The following SYMPK variants were observed in gnomAD, a reference collection of about 807,000 sequenced individuals.
SYMPK encodes symplekin.
A neutral mutation model predicts 136.4 loss-of-function variants in SYMPK; 49 were observed. That is an observed-to-expected ratio of 0.36 (90% CI 0.29 to 0.46). SYMPK has a LOEUF of 0.46. SYMPK is among the 20% of genes least tolerant of loss of function. SYMPK has a pLI of 1.00. For synonymous variants in SYMPK, 766 were observed against 713.0 expected (o/e 1.07, Z -1.19); for missense variants, 1,365 against 1,690.0 (o/e 0.81, Z 3.37).
chr19:45,836,700 G>A (rs1022845449), intron 10 of SYMPK, among the ~76,000 whole-genome samples: 1 of 151,848 alleles, frequency 6.6e-6, no homozygotes, highest in African/African-American at 2.4e-5. Flanking sequence ...GTGCAGTGGC[G>A]CCATCAGAGT....
In SYMPK at chr19:45,842,367, G is replaced by A. The variant is rs1259605957; in HGVS notation, c.970C>T (p.Leu324=). The A allele has an allele frequency of 1.2e-6, 2 of 1,614,096 alleles. No homozygotes were observed. Among genetic ancestry groups the A allele is most frequent in the African/African-American group, 1.3e-5 (1 of 74,944 alleles). ...SLEFQAQITT[L]LVDLGTPQAE... ...TGAGGTGTGCCCAGGTCCACCAGCA[G>A]GGTGGTGATCTGGGCCTGGAACTCC... Residue 324 remains leucine (L), a synonymous_variant, in exon 9 of 27, where the codon CTG becomes TTG. Coordinates refer to ENST00000245934, the MANE Select transcript of SYMPK (RefSeq NM_004819.3).
At chr19:45,853,706 C>A (rs778796473) in intron 3 of SYMPK, among the ~76,000 whole-genome samples, 14 of 152,172 alleles carry the variant, frequency 9.2e-5, no homozygotes, top group Non-Finnish European at 1.8e-4. Context: ...TCCTCCCTGA[C>A]TCCCCATCCC....
In SYMPK at chr19:45,842,502, T is replaced by C. The variant is rs2146329863; in HGVS notation, c.848-13A>G. ...GGGGGCAGGTTGGCTGTGAGGAAAG[T>C]GGCAGGAGCTGTGTCTTGTGGAAGA... On this transcript the variant is annotated splice_polypyrimidine_tract_variant and intron_variant, in intron 8 of 26. Coordinates refer to ENST00000245934, the MANE Select transcript of SYMPK (RefSeq NM_004819.3). 1 of 1,605,942 alleles carries C rather than the reference T, an allele frequency of 6.2e-7. No individual in the cohort carries two copies. Among genetic ancestry groups the C allele is most frequent in the Non-Finnish European group, 8.5e-7 (1 of 1,174,972 alleles).
intron 1 of SYMPK, chr19:45,861,988 T>G (rs542291045): frequency 6.7e-6 from 1 of 149,278 alleles, no homozygotes; most frequent in East Asian, 2.0e-4. Context: ...GAGGTTGCAG[T>G]GAACTGGGAT....
intron 1 of SYMPK, among the ~76,000 whole-genome samples, chr19:45,861,068 C>T (rs938395229): frequency 1.3e-5 from 2 of 152,258 alleles, no homozygotes; most frequent in East Asian, 3.9e-4. Flanking sequence ...ACCAGACAAC[C>T]GGCATGGCAT....
Position 45,831,577 on chromosome 19 carries a change from T to A in SYMPK, c.1405A>T (p.Thr469Ser), listed in dbSNP as rs780260878. The A allele has an allele frequency of 1.1e-5, 17 of 1,604,686 alleles. No individual in the cohort carries two copies. Among genetic ancestry groups the A allele is most frequent in the Non-Finnish European group, 1.4e-5 (17 of 1,175,624 alleles). Residue 469 changes from threonine to serine, a missense_variant, in exon 12 of 27, where the codon ACC becomes TCC. Transcript: ENST00000245934. ...AAGLGPGVEQ[T>S]KQCKEEPKEE... ...TTGGGCTCCTCCTTGCACTGTTTGG[T>A]CTGCTCTACACCTGAGGGGGAGGCA...
Position 45,815,657 on chromosome 19 carries a change from C to T in SYMPK, c.3728G>A (p.Ser1243Asn), listed in dbSNP as rs754835710. The change falls in exon 27 of 27, where the codon AGC (serine) becomes AAC (asparagine). Residue 1243 changes from serine to asparagine, a missense_variant. Ser to Asn is a conservative substitution (Grantham distance 46). This residue lies in a region of SYMPK where 341 missense variants were observed against 270.5 expected (regional missense o/e 1.26). Transcript: ENST00000245934. ...AGGLTLKEER[S>N]PQTLAPVGED... ...TCCAACAGGTGCGAGGGTCTGGGGG[C>T]TCCGCTCCTCCTTCAAGGTCAGCCC... The T allele has an allele frequency of 6.8e-6, 11 of 1,610,644 alleles. No individual in the cohort carries two copies. The East Asian group carries it at 2.2e-4, about 33-fold the overall frequency.
At chr19:45,826,854 G>A (rs1036773121) in intron 16 of SYMPK, among the ~76,000 whole-genome samples, 2 of 152,230 alleles carry the variant, frequency 1.3e-5, no homozygotes, top group Admixed American at 6.5e-5. Context: ...GAATGAAAAC[G>A]CTACCCAGCA....
intron 9 of SYMPK, among the ~76,000 whole-genome samples, chr19:45,838,956 G>A (rs980511085): frequency 3.3e-5 from 5 of 152,134 alleles, no homozygotes; most frequent in African/African-American, 1.2e-4. Flanking sequence ...GCATGATTTC[G>A]GCTCATTGTA....
At chr19:45,847,731 G>A (rs1324903224) in intron 7 of SYMPK, 21 bp downstream of exon 7, 1 of 1,595,326 alleles carries the variant, frequency 6.3e-7, no homozygotes, top group South Asian at 1.1e-5. Context: ...GTCAGGGGTG[G>A]CAGCTGAAGG....
In SYMPK at chr19:45,815,546, C is replaced by T. The variant is rs774823610; in HGVS notation, c.*14G>A. 1 of 1,512,466 alleles carries T rather than the reference C, an allele frequency of 6.6e-7. No individual in the cohort carries two copies. The highest frequency in any genetic ancestry group is 2.2e-5 in the Admixed American group (1 of 46,480). The allele number at this position is 1,512,466 out of a possible 1,614,324, so 93.7% of individuals were successfully genotyped here. On this transcript the variant is annotated 3_prime_UTR_variant, in exon 27 of 27. Coordinates refer to ENST00000245934, the MANE Select transcript of SYMPK (RefSeq NM_004819.3). ...CCGAGTCCCTGTCCCACCCCCTTTC[C>T]CCCTCGAGCCCCGTCAGCTGTTCCC... is the stretch of plus-strand genomic sequence containing the variant.
intron 1 of SYMPK, chr19:45,855,768 G>A (rs568735710): frequency 6.6e-6 from 1 of 152,306 alleles, no homozygotes; most frequent in African/African-American, 2.4e-5. Flanking sequence ...GGCTGAGGCA[G>A]GCAGATCGCT....
intron 11 of SYMPK, among the ~76,000 whole-genome samples, chr19:45,832,198 G>A (rs1366841422): frequency 6.6e-6 from 1 of 152,078 alleles, no homozygotes; most frequent in Non-Finnish European, 1.5e-5. Flanking sequence ...CTGGAGTGCA[G>A]TGGCTTGATC....
intron 6 of SYMPK, among the ~76,000 whole-genome samples, chr19:45,848,285 C>T (rs1485851834): frequency 3.3e-5 from 5 of 152,226 alleles, no homozygotes; most frequent in African/African-American, 9.6e-5. Flanking sequence ...ACAGTGCTGA[C>T]TTCACAAGGT....
chr19:45,838,982 G>A (rs1408369804), intron 9 of SYMPK, among the ~76,000 whole-genome samples: 1 of 152,208 alleles, frequency 6.6e-6, no homozygotes, highest in African/African-American at 2.4e-5. Context: ...CGCCTCCCAG[G>A]TTCAAGTGAT....
At chr19:45,847,673 A>T (rs1971597549) in intron 7 of SYMPK, 79 bp downstream of exon 7, 2 of 1,520,048 alleles carry the variant, frequency 1.3e-6, no homozygotes, top group Admixed American at 3.8e-5. Flanking sequence ...AAAAAAGACA[A>T]GGGGGAGAGA....
At chr19:45,827,235 G>T (rs528762036) in intron 16 of SYMPK, among the ~76,000 whole-genome samples, 1 of 152,244 alleles carries the variant, frequency 6.6e-6, no homozygotes, top group Non-Finnish European at 1.5e-5. Context: ...CTAAGAGCGA[G>T]AGTGGGACTG....
In SYMPK at chr19:45,827,532, A is replaced by C; in HGVS notation, c.2159T>G (p.Leu720Arg). ...QFQYLHVLLDLSSHEKDKVRS... is the reference protein window; with the variant it reads ...QFQYLHVLLDRSSHEKDKVRS... Reference sequence around the variant, plus strand: ...CACCTTGTCCTTCTCATGGGAGCTGAGGTCGAGGAGGACATGCAGGTACTG... The same window carrying C: ...CACCTTGTCCTTCTCATGGGAGCTGCGGTCGAGGAGGACATGCAGGTACTG... The change falls in exon 16 of 27, where the codon CTC becomes CGC. Residue 720 changes from leucine to arginine, a missense_variant. By Grantham distance (102) the Leu-to-Arg change is moderately radical. Transcript: ENST00000245934. The C allele has an allele frequency of 6.2e-7, 1 of 1,613,978 alleles. No individual in the cohort carries two copies. Among genetic ancestry groups the C allele is most frequent in the Non-Finnish European group, 8.5e-7 (1 of 1,179,882 alleles).
At chr19:45,844,256 G>A (rs1010128105) in intron 7 of SYMPK, 56 bp from the exon 8 acceptor site, 4 of 1,428,752 alleles carry the variant, frequency 2.8e-6, no homozygotes, top group Non-Finnish European at 3.7e-6. Flanking sequence ...GGCCTCTGGA[G>A]ACAGCAGCTT....
Sources: gnomAD v4.1 joint callset for allele counts (sites outside exome capture counted in the v4.1 genomes callset) on GRCh38, gnomAD v4.1.1 for gene constraint, gnomAD v4.1.1 regional missense constraint, MANE v1.5 for transcripts, NCBI Gene and HGNC (gene_info 2026-07-23, HGNC 2026-07-21) for gene names.